Variants in KCTD1 observed in about 807,000 individuals in gnomAD.
The protein encoded by KCTD1 is potassium channel tetramerization domain containing 1.
KCTD1 carries 24 observed loss-of-function variants against 66.0 expected under a neutral mutation model. The ratio of observed to expected loss-of-function variants is 0.36; its 90% CI spans 0.26 to 0.51. KCTD1 has a LOEUF of 0.51. KCTD1 is among the 20% of genes least tolerant of loss of function. The pLI is 0.95. For synonymous variants in KCTD1, 511 were observed against 517.2 expected (o/e 0.99, Z 0.16); for missense variants, 943 against 1,205.2 (o/e 0.78, Z 3.22).
At chr18:26,540,467 T>C (rs556111932) in intron 1 of KCTD1, among the ~76,000 whole-genome samples, 1 of 152,250 alleles carries the variant, frequency 6.6e-6, no homozygotes, top group African/African-American at 2.4e-5. Flanking sequence ...CGGGTTCACT[T>C]ATATGCGAGT....
At chr18:26,517,087 C>A (rs904041059) in intron 1 of KCTD1, among the ~76,000 whole-genome samples, 1 of 152,184 alleles carries the variant, frequency 6.6e-6, no homozygotes, top group African/African-American at 2.4e-5. Context: ...GCTAGGCAGC[C>A]TGTGCTCACT....
intron 1 of KCTD1, among the ~76,000 whole-genome samples, chr18:26,634,857 A>C (rs1307170203): frequency 6.6e-6 from 1 of 152,240 alleles, no homozygotes. Flanking sequence ...GAATGCGGGC[A>C]GTCTAACTCC....
At chr18:26,465,189 T>C (rs1980656175) in intron 3 of KCTD1, among the ~76,000 whole-genome samples, 1 of 152,194 alleles carries the variant, frequency 6.6e-6, no homozygotes, top group Non-Finnish European at 1.5e-5. Context: ...GTTCAAGAGA[T>C]TCTCCTGCCT....
At chr18:26,514,547 CTCAAAAAAAAA>C (rs1262793458) in intron 1 of KCTD1, among the ~76,000 whole-genome samples, 5 of 81,032 alleles carry the variant, frequency 6.2e-5, no homozygotes, top group African/African-American at 7.2e-5. Flanking sequence ...GAGACCTTGT[CTCAAAAAAAAA>C]AAAAAAAAAA....
chr18:26,458,729 A>ATCTT (rs1980240003), intron 4 of KCTD1: 1 of 152,198 alleles, frequency 6.6e-6, no homozygotes, highest in Non-Finnish European at 1.5e-5. Context: ...TCTGTCAAAA[A>ATCTT]TCTTAGTCAT....
intron 1 of KCTD1, chr18:26,566,454 A>G: frequency 6.6e-6 from 1 of 152,264 alleles, no homozygotes; most frequent in East Asian, 1.9e-4. Context: ...GTCCTGAAAT[A>G]AACTGACAGA....
At chr18:26,628,446 G>A (rs1034362981) in intron 1 of KCTD1, among the ~76,000 whole-genome samples, 9 of 151,866 alleles carry the variant, frequency 5.9e-5, no homozygotes, top group African/African-American at 1.9e-4. Context: ...ATCTTCTTAC[G>A]GGCAATTCAC....
intron 2 of KCTD1, among the ~76,000 whole-genome samples, chr18:26,493,003 C>T (rs1204539081): frequency 6.6e-6 from 1 of 152,160 alleles, no homozygotes; most frequent in East Asian, 1.9e-4. Flanking sequence ...CAATATTTTA[C>T]CCAATCATTA....
intron 1 of KCTD1, among the ~76,000 whole-genome samples, chr18:26,529,512 C>G (rs78808312): frequency 0.069 from 10,521 of 152,238 alleles, 427 homozygotes; most frequent in African/African-American, 0.088. Flanking sequence ...AGTCCAAAAT[C>G]CTTCTCTCTG....
chr18:26,583,081 A>T (rs958050453), intron 1 of KCTD1, among the ~76,000 whole-genome samples: 5 of 152,076 alleles, frequency 3.3e-5, no homozygotes, highest in East Asian at 1.9e-4. Flanking sequence ...ATTTAAAAAA[A>T]ATATGATGGA....
chr18:26,466,730 A>C (rs911799080), intron 3 of KCTD1, among the ~76,000 whole-genome samples: 1 of 152,252 alleles, frequency 6.6e-6, no homozygotes, highest in South Asian at 2.1e-4. Context: ...TGGCTCAACC[A>C]CATGCCTTTG....
intron 1 of KCTD1, among the ~76,000 whole-genome samples, chr18:26,657,055 C>T (rs1409989459): frequency 1.3e-5 from 2 of 151,248 alleles, no homozygotes; most frequent in African/African-American, 4.9e-5. Flanking sequence ...AAACCCGGCC[C>T]CCGGCCGCGG....
chr18:26,620,081 A>G (rs1987340032), intron 1 of KCTD1, among the ~76,000 whole-genome samples: 1 of 152,076 alleles, frequency 6.6e-6, no homozygotes, highest in Non-Finnish European at 1.5e-5. Context: ...GAACTCCTCG[A>G]GGGCAGAGAT....
chr18:26,594,118 C>T (rs1312999798), intron 1 of KCTD1, among the ~76,000 whole-genome samples: 1 of 152,224 alleles, frequency 6.6e-6, no homozygotes, highest in Non-Finnish European at 1.5e-5. Flanking sequence ...TGGGCTTGGA[C>T]AGCTCCTCTT....
upstream of KCTD1, chr18:26,548,949 G>C: frequency 2.0e-6 from 2 of 986,648 alleles, no homozygotes; most frequent in Non-Finnish European, 2.4e-6. Context: ...GCGAGAGGGC[G>C]GGACGGTCTC....
intron 1 of KCTD1, among the ~76,000 whole-genome samples, chr18:26,537,896 G>A (rs1315692709): frequency 6.6e-6 from 1 of 152,096 alleles, no homozygotes; most frequent in Non-Finnish European, 1.5e-5. Context: ...CTGTAGCCTG[G>A]GCAGCAATTA....
At chr18:26,469,422 G>A (rs1980931444) in intron 3 of KCTD1, among the ~76,000 whole-genome samples, 1 of 152,124 alleles carries the variant, frequency 6.6e-6, no homozygotes, top group South Asian at 2.1e-4. Flanking sequence ...AATGCTCTTG[G>A]AGGAAAAATA....
chr18:26,503,182 T>C (rs188666270), intron 1 of KCTD1, among the ~76,000 whole-genome samples: 1,592 of 152,228 alleles, frequency 0.01, 27 homozygotes, highest in African/African-American at 0.036. Flanking sequence ...GGCTCAAGGG[T>C]GTTTACTACA....
chr18:26,654,823 T>G (rs1002632020), intron 1 of KCTD1, among the ~76,000 whole-genome samples: 1 of 152,226 alleles, frequency 6.6e-6, no homozygotes, highest in African/African-American at 2.4e-5. Flanking sequence ...TTTAACCTAC[T>G]GTCATCATAA....
Sources: allele counts gnomAD v4.1 joint callset (sites outside exome capture counted in the v4.1 genomes callset), GRCh38; gene constraint gnomAD v4.1.1; transcripts MANE v1.5; gene names NCBI Gene and HGNC (gene_info 2026-07-23, HGNC 2026-07-21).